Variants in LRCH1 observed in about 807,000 individuals in gnomAD.
The protein encoded by LRCH1 is leucine-rich repeat and calponin homology domain-containing protein 1.
In LRCH1, 23 loss-of-function variants were observed where a neutral mutation model predicts 94.9. The ratio of observed to expected loss-of-function variants is 0.24; its 90% CI spans 0.17 to 0.34. The LOEUF (loss-of-function observed/expected upper bound fraction) is 0.34. LRCH1 is among the 10% of genes least tolerant of loss of function. LRCH1 has a pLI of 1.00. For synonymous variants in LRCH1, 364 were observed against 354.9 expected (o/e 1.03, Z -0.29); for missense variants, 790 against 945.9 (o/e 0.84, Z 2.16).
intron 6 of LRCH1, 82 bp downstream of exon 6, chr13:46,688,061 T>C (rs1870713843): frequency 7.3e-7 from 1 of 1,374,486 alleles, no homozygotes; most frequent in African/African-American, 1.5e-5. Flanking sequence ...CAAAATCTGT[T>C]TGTTTTAAGT....
At chr13:46,697,029 C>G (rs886129354) in intron 9 of LRCH1, among the ~76,000 whole-genome samples, 1 of 152,212 alleles carries the variant, frequency 6.6e-6, no homozygotes, top group Non-Finnish European at 1.5e-5. Flanking sequence ...GACTGCACCA[C>G]TGCACTCCAG....
intron 1 of LRCH1, among the ~76,000 whole-genome samples, chr13:46,560,081 A>G (rs1352017783): frequency 1.5e-5 from 2 of 137,612 alleles, no homozygotes; most frequent in African/African-American, 4.9e-5. Flanking sequence ...ATTCAACTTC[A>G]TCATTGCTTG....
chr13:46,588,302 C>G (rs960486243), intron 1 of LRCH1, among the ~76,000 whole-genome samples: 1 of 152,026 alleles, frequency 6.6e-6, no homozygotes, highest in Non-Finnish European at 1.5e-5. Context: ...AAGTGGTAGC[C>G]GTTTTCAGAG....
intron 11 of LRCH1, among the ~76,000 whole-genome samples, chr13:46,701,948 G>T (rs764749790): frequency 6.6e-6 from 1 of 152,238 alleles, no homozygotes; most frequent in African/African-American, 2.4e-5. Flanking sequence ...TATGAAAAGC[G>T]TAGTTAGTGT....
chr13:46,721,690 C>G (rs1339940970), intron 16 of LRCH1, among the ~76,000 whole-genome samples: 1 of 152,188 alleles, frequency 6.6e-6, no homozygotes, highest in Non-Finnish European at 1.5e-5. Context: ...CTTTGGTGTT[C>G]TTTGCCTGTG....
intron 2 of LRCH1, among the ~76,000 whole-genome samples, chr13:46,665,268 A>G (rs2051500196): frequency 6.6e-6 from 1 of 152,218 alleles, no homozygotes; most frequent in Admixed American, 6.5e-5. Context: ...AATATCAGAT[A>G]CTAAGATTGA....
At chr13:46,676,852 A>T (rs1012507360) in intron 3 of LRCH1, among the ~76,000 whole-genome samples, 51 of 152,228 alleles carry the variant, frequency 3.4e-4, no homozygotes, top group Non-Finnish European at 1.3e-4. Context: ...GTCACAGCTC[A>T]CTGCAGCCTT....
intron 2 of LRCH1, among the ~76,000 whole-genome samples, chr13:46,658,144 C>T (rs2051400543): frequency 6.6e-6 from 1 of 152,010 alleles, no homozygotes; most frequent in African/African-American, 2.4e-5. Context: ...ACAAGGAAGG[C>T]CTTTGTATTT....
chr13:46,618,172 T>C (rs1407346704), intron 1 of LRCH1, among the ~76,000 whole-genome samples: 1 of 152,190 alleles, frequency 6.6e-6, no homozygotes, highest in Non-Finnish European at 1.5e-5. Context: ...CTATTGCTCC[T>C]AGTCTACAAA....
Position 46,678,519 on chromosome 13 carries a change from G to A in LRCH1, c.580-3222G>A, listed in dbSNP as rs73470703. On this transcript the variant is annotated intron_variant, in intron 3 of 19. Transcript: ENST00000389797. Reference sequence around the variant, plus strand: ...AGGAAGTAATTGACAACAGTGCAGAGTACTATTAAAATAATTTGACCTTCA... The same window carrying A: ...AGGAAGTAATTGACAACAGTGCAGAATACTATTAAAATAATTTGACCTTCA... Among the ~76,000 whole-genome samples the A allele has an allele frequency of 3.6e-3, 549 of 152,228 alleles. 3 individuals are homozygous for A. The highest frequency in any genetic ancestry group is 0.012 in the African/African-American group (493 of 41,524).
rs945348281 is a variant in LRCH1 at position 46,742,536 on chromosome 13, G to A, written c.*688G>A. On this transcript the variant is annotated 3_prime_UTR_variant, in exon 20 of 20. Transcript: ENST00000389797. The stretch of plus-strand genomic sequence containing the variant: ...TGTCCTATGCAGAAGGGCGCTCAAG[G>A]GAAGGAAGTGTCGTTGCTGTTAGAG... 40 of 985,414 alleles carry A rather than the reference G, an allele frequency of 4.1e-5. No individual in the cohort carries two copies. The African/African-American group carries it at 6.3e-4, about 15-fold the overall frequency. 61.0% of individuals were successfully genotyped at this position (985,414 alleles called of 1,614,324 possible). A position where few individuals can be genotyped will look rare whatever the true frequency, so the allele number is the denominator to read the frequency against.
At chr13:46,700,962 C>T (rs1248879583) in intron 10 of LRCH1, among the ~76,000 whole-genome samples, 159 bp from the exon 11 acceptor site, 1 of 152,258 alleles carries the variant, frequency 6.6e-6, no homozygotes, top group Non-Finnish European at 1.5e-5. Context: ...TCTGCCATCC[C>T]ACCCCACAAG....
chr13:46,668,848 C>T (rs1404929138), intron 2 of LRCH1, among the ~76,000 whole-genome samples, 182 bp from the exon 3 acceptor site: 2 of 151,356 alleles, frequency 1.3e-5, no homozygotes, highest in Admixed American at 6.6e-5. Flanking sequence ...AAAAGAAAAA[C>T]ATATTTTGTT....
At chr13:46,751,987 T>C (rs1207813133) in exon 19 of LRCH1, 1 of 152,330 alleles carries the variant, frequency 6.6e-6, no homozygotes, top group Non-Finnish European at 1.5e-5. Flanking sequence ...ACCTCAGAAG[T>C]GAGTCGTTGT....
chr13:46,643,834 G>A (rs542023771), intron 1 of LRCH1, among the ~76,000 whole-genome samples: 2 of 152,224 alleles, frequency 1.3e-5, no homozygotes, highest in East Asian at 1.9e-4. Context: ...TCAGCAATTC[G>A]AGCCAAGCTT....
At chr13:46,710,391 A>G (rs1020897236) in intron 13 of LRCH1, among the ~76,000 whole-genome samples, 31 of 152,184 alleles carry the variant, frequency 2.0e-4, no homozygotes. Flanking sequence ...AGGATTATGA[A>G]GCGGTTTGTA....
Position 46,744,650 on chromosome 13 carries a change from C to T in LRCH1, c.*2802C>T, listed in dbSNP as rs918706754. The T allele has an allele frequency of 1.0e-5, 10 of 985,188 alleles. No homozygotes were observed. Among genetic ancestry groups the T allele is most frequent in the South Asian group, 4.7e-5 (1 of 21,266 alleles). The allele number at this position is 985,188 out of a possible 1,614,324, so 61.0% of individuals were successfully genotyped here. ...TGTTTGTAAGAAATTAAAACTAGCGCGTGGTGAGCTGGGTTATCTCTCGAA... is the reference window on the plus strand; with the variant it reads ...TGTTTGTAAGAAATTAAAACTAGCGTGTGGTGAGCTGGGTTATCTCTCGAA... On this transcript the variant is annotated 3_prime_UTR_variant, in exon 20 of 20. Transcript: ENST00000389797.
At chr13:46,686,252 T>G (rs1299969401) in intron 5 of LRCH1, among the ~76,000 whole-genome samples, 1 of 152,182 alleles carries the variant, frequency 6.6e-6, no homozygotes, top group African/African-American at 2.4e-5. Flanking sequence ...AATTGTCCAT[T>G]TTTATGCTTA....
At chr13:46,565,956 C>T (rs2050179408) in intron 1 of LRCH1, among the ~76,000 whole-genome samples, 1 of 151,818 alleles carries the variant, frequency 6.6e-6, no homozygotes, top group Non-Finnish European at 1.5e-5. Flanking sequence ...AACCCTATTC[C>T]TGTGCCACGT....
Sources: gnomAD v4.1 joint callset for allele counts (sites outside exome capture counted in the v4.1 genomes callset) on GRCh38, gnomAD v4.1.1 for gene constraint, MANE v1.5 for transcripts, NCBI Gene and HGNC (gene_info 2026-07-23, HGNC 2026-07-21) for gene names.